Variants in TUB observed in about 807,000 individuals in gnomAD.
TUB encodes TUB bipartite transcription factor, also known as tubby protein homolog.
TUB carries 33 observed loss-of-function variants against 59.7 expected under a neutral mutation model. The observed-to-expected ratio is 0.55, with a 90% CI of 0.42 to 0.74. The LOEUF (loss-of-function observed/expected upper bound fraction) is 0.74. Among genes scored for constraint, TUB ranks in the 30% least tolerant of loss-of-function variants. The probability of loss-of-function intolerance (pLI) is 0.00; values close to 1 mark genes in which losing one functional copy is unlikely to be tolerated. For synonymous variants in TUB, 293 were observed against 256.4 expected, an observed-to-expected ratio of 1.14 and a Z score of -1.36; for missense variants, 659 against 672.0, an observed-to-expected ratio of 0.98 and a Z score of 0.21.
intron 1 of TUB, among the ~76,000 whole-genome samples, chr11:8,082,107 C>A (rs569801529): frequency 6.6e-6 from 1 of 152,234 alleles, no homozygotes; most frequent in Admixed American, 6.5e-5. Flanking sequence ...TATCTGTGCA[C>A]GTCCACCTCC....
At chr11:8,049,181 C>G (rs1942887433) in intron 2 of TUB, among the ~76,000 whole-genome samples, 1 of 152,146 alleles carries the variant, frequency 6.6e-6, no homozygotes, top group South Asian at 2.1e-4. Context: ...GCTACCAAAC[C>G]CTATGGCATA....
In TUB at chr11:8,105,634, T is replaced by C. The variant is rs572379550; in HGVS notation, c.*4015T>C. On this transcript the variant is annotated 3_prime_UTR_variant, in exon 12 of 12. Transcript: ENST00000299506. Reference sequence around the variant, plus strand: ...CTAACCACAAGATAAAGATGTTACATTGTCAAAGCTTGCCGTAGGATTTGG... The same window carrying C: ...CTAACCACAAGATAAAGATGTTACACTGTCAAAGCTTGCCGTAGGATTTGG... The C allele has an allele frequency of 6.6e-6, 1 of 152,282 alleles. No homozygotes were observed. The highest frequency in any genetic ancestry group is 1.5e-5 in the Non-Finnish European group (1 of 68,014). 9.4% of individuals were successfully genotyped at this position (152,282 alleles called of 1,614,324 possible).
intron 2 of TUB, among the ~76,000 whole-genome samples, chr11:8,074,711 G>A (rs1943417835): frequency 6.9e-6 from 1 of 144,690 alleles, no homozygotes; most frequent in Non-Finnish European, 1.5e-5. Flanking sequence ...TTATACTCCA[G>A]CCTGGGTGAT....
chr11:8,049,578 T>TATATAGATAGATAGATAGATAGATAG (rs1055522231), intron 2 of TUB, among the ~76,000 whole-genome samples: 2 of 85,916 alleles, frequency 2.3e-5, no homozygotes, highest in African/African-American at 7.0e-5. Context: ...TATATATATA[T>TATATAGATAGATAGATAGATAGATAG]ATAGATAGAT....
At chr11:8,061,490 G>A (rs115682439) in intron 2 of TUB, among the ~76,000 whole-genome samples, 362 of 152,182 alleles carry the variant, frequency 2.4e-3, no homozygotes, top group African/African-American at 8.0e-3. Flanking sequence ...AGTCAATGCC[G>A]GCCTCCCCTC....
Position 8,097,389 on chromosome 11 carries a change from C to G in TUB, c.849C>G (p.Thr283=). The G allele has an allele frequency of 1.2e-6, 2 of 1,614,208 alleles. No individual in the cohort carries two copies. Among genetic ancestry groups the G allele is most frequent in the Non-Finnish European group, 1.7e-6 (2 of 1,180,032 alleles). Residue 283 remains threonine, a synonymous_variant, in exon 7 of 12, where the codon ACC becomes ACG. Transcript: ENST00000299506. The stretch of plus-strand genomic sequence containing the variant: ...GGATGGACCGGGGCATGTACCCCAC[C>G]TACTTTCTGCACCTGGACCGTGAGG... The part of the protein sequence containing the change: ...KKGMDRGMYP[T]YFLHLDREDG...
chr11:8,063,543 C>G (rs1476575107), intron 2 of TUB, among the ~76,000 whole-genome samples: 1 of 152,194 alleles, frequency 6.6e-6, no homozygotes, highest in Non-Finnish European at 1.5e-5. Context: ...ATGTCCACAC[C>G]TCCTGGCTGT....
At chr11:8,064,038 A>G (rs1008768300) in intron 2 of TUB, among the ~76,000 whole-genome samples, 1 of 152,192 alleles carries the variant, frequency 6.6e-6, no homozygotes, top group Non-Finnish European at 1.5e-5. Flanking sequence ...ATATGGCAGG[A>G]TCGGTTCTGA....
chr11:8,101,082 C>G, intron 11 of TUB, 85 bp downstream of exon 11: 1 of 1,477,760 alleles, frequency 6.8e-7, no homozygotes, highest in Non-Finnish European at 9.3e-7. Context: ...GCCCTGCCTA[C>G]ACTGGCTAGA....
intron 1 of TUB, among the ~76,000 whole-genome samples, chr11:8,031,782 C>T (rs577200472): frequency 4.6e-5 from 7 of 152,274 alleles, no homozygotes; most frequent in Admixed American, 3.3e-4. Context: ...CGCAGGCCCA[C>T]GGCGTGTCCT....
chr11:8,080,786 T>C (rs1943536122), upstream of TUB, among the ~76,000 whole-genome samples: 1 of 151,638 alleles, frequency 6.6e-6, no homozygotes, highest in Admixed American at 6.6e-5. Context: ...AACTCGGAGG[T>C]GGGGGTGAGG....
intron 9 of TUB, among the ~76,000 whole-genome samples, chr11:8,100,113 G>A (rs144878469): frequency 2.8e-4 from 43 of 152,312 alleles, no homozygotes; most frequent in African/African-American, 9.9e-4. Flanking sequence ...CCAGGCAAAG[G>A]CTGTTAGAAT....
At chr11:8,060,344 G>C (rs995501080) in intron 2 of TUB, among the ~76,000 whole-genome samples, 2 of 152,132 alleles carry the variant, frequency 1.3e-5, no homozygotes, top group African/African-American at 4.8e-5. Context: ...CCAGAGAGTG[G>C]GCAGGAGAAG....
intron 1 of TUB, among the ~76,000 whole-genome samples, chr11:8,031,962 G>A (rs1379583006): frequency 6.6e-6 from 1 of 152,206 alleles, no homozygotes; most frequent in Non-Finnish European, 1.5e-5. Context: ...GGCCAGTTCG[G>A]TCCCATCCCC....
At chr11:8,030,026 A>T (rs533720119) in intron 1 of TUB, among the ~76,000 whole-genome samples, 3 of 152,160 alleles carry the variant, frequency 2.0e-5, no homozygotes, top group African/African-American at 7.2e-5. Context: ...GTTAGAGGGC[A>T]GTGAGTGGGG....
rs1411861075 is a variant in TUB at position 8,039,683 on chromosome 11, A to G, written c.194A>G (p.Glu65Gly). ...AGGAAGTACTGGAAGGAAGGAAGGG[A>G]GATCGCTCGGTGAGCTGGAGGGGAG... The change falls in exon 2 of 13, where the codon GAG (glutamate) becomes GGG (glycine). Residue 65 changes from glutamate (E) to glycine (G), a missense_variant. By Grantham distance (98) the Glu-to-Gly change is moderately conservative. Transcript: ENST00000305253. 3 of 1,539,564 alleles carry G rather than the reference A, an allele frequency of 1.9e-6. No individual in the cohort carries two copies. The highest frequency in any genetic ancestry group is 2.6e-6 in the Non-Finnish European group (3 of 1,140,746).
At chr11:8,048,477 C>T (rs1313883826) in intron 2 of TUB, among the ~76,000 whole-genome samples, 2 of 150,342 alleles carry the variant, frequency 1.3e-5, no homozygotes, top group African/African-American at 2.5e-5. Flanking sequence ...TCATGGCTCA[C>T]TGCAGCCCAG....
intron 1 of TUB, among the ~76,000 whole-genome samples, chr11:8,023,079 C>T (rs777886458): frequency 2.6e-4 from 40 of 152,254 alleles, no homozygotes; most frequent in Admixed American, 4.6e-4. Context: ...TCTGGTGCTC[C>T]GGCTGGGAAG....
intron 2 of TUB, among the ~76,000 whole-genome samples, chr11:8,043,403 G>A (rs1232896142): frequency 6.6e-6 from 1 of 152,170 alleles, no homozygotes; most frequent in South Asian, 2.1e-4. Context: ...TGGCTATTCT[G>A]TATCCCTTAA....
Sources: allele counts gnomAD v4.1 joint callset (sites outside exome capture counted in the v4.1 genomes callset), GRCh38; gene constraint gnomAD v4.1.1; transcripts MANE v1.5; gene names NCBI Gene and HGNC (gene_info 2026-07-23, HGNC 2026-07-21).